POLN: variants seen among roughly 807,000 people sequenced by gnomAD.
POLN encodes the protein DNA polymerase N.
Under a neutral mutation model 113.5 loss-of-function variants are expected in POLN, and 108 were observed. The ratio of observed to expected loss-of-function variants is 0.95; its 90% CI spans 0.81 to 1.12. POLN has a LOEUF of 1.12. POLN is among the 50% of genes most tolerant of loss of function. The pLI is 0.00. For missense variants in POLN, 1,097 were observed against 1,077.1 expected, an observed-to-expected ratio of 1.02 and a Z score of -0.26; for synonymous variants, 386 against 391.5, an observed-to-expected ratio of 0.99 and a Z score of 0.17.
chr4:2,136,609 T>C lies in POLN; in HGVS notation c.1732-5319A>G, dbSNP rs182257353. 2.6e-5 allele frequency among the ~76,000 whole-genome samples: 4 copies of C among 152,364 alleles called. No homozygotes were observed. The East Asian group carries it at 5.8e-4, about 22-fold the overall frequency. On this transcript the variant is annotated intron_variant, in intron 16 of 25. Coordinates refer to ENST00000511885, the MANE Select transcript of POLN (RefSeq NM_181808.4). ...CTGAGATGACGTTTTAATTCTACAA[T>C]GTGGCATTTGTTAAAATCTCAGTAG... is the stretch of plus-strand genomic sequence containing the variant.
At chr4:2,075,171 T>C in intron 24 of POLN, among the ~76,000 whole-genome samples, 1 of 152,006 alleles carries the variant, frequency 6.6e-6, no homozygotes, top group Non-Finnish European at 1.5e-5. Flanking sequence ...CAGCCTTGGG[T>C]GTCTGCAGCT....
At chr4:2,150,321 A>G (rs1487131049) in intron 16 of POLN, among the ~76,000 whole-genome samples, 2 of 152,100 alleles carry the variant, frequency 1.3e-5, no homozygotes, top group African/African-American at 4.8e-5. Context: ...ATATTTTAAT[A>G]TTAGACAAAA....
intron 16 of POLN, among the ~76,000 whole-genome samples, chr4:2,150,681 C>A (rs1732270535): frequency 6.6e-6 from 1 of 151,956 alleles, no homozygotes; most frequent in East Asian, 1.9e-4. Context: ...AGTATTAAAC[C>A]CTTATATTGA....
At chr4:2,176,666 G>T (rs564691533) in intron 8 of POLN, among the ~76,000 whole-genome samples, 1 of 152,164 alleles carries the variant, frequency 6.6e-6, no homozygotes, top group East Asian at 1.9e-4. Flanking sequence ...AGGGAGAGGA[G>T]AATGCAGACC....
At chr4:2,104,001 A>G (rs949291205) in intron 19 of POLN, among the ~76,000 whole-genome samples, 15 of 152,266 alleles carry the variant, frequency 9.9e-5, no homozygotes, top group Admixed American at 9.2e-4. Flanking sequence ...AAAGGATGAC[A>G]TTCACCATCA....
chr4:2,121,250 C>T (rs1731432601), intron 19 of POLN, among the ~76,000 whole-genome samples: 1 of 152,042 alleles, frequency 6.6e-6, no homozygotes, highest in African/African-American at 2.4e-5. Flanking sequence ...GGCTGGCCAA[C>T]ATGCTGAAAC....
intron 4 of POLN, among the ~76,000 whole-genome samples, chr4:2,210,391 C>T (rs1296959292): frequency 6.6e-6 from 1 of 151,196 alleles, no homozygotes; most frequent in Non-Finnish European, 1.5e-5. Context: ...CCAGCCTGGG[C>T]AAAATAGCAA....
chr4:2,087,239 GATCT>G (rs1268191575), intron 20 of POLN, among the ~76,000 whole-genome samples: 1 of 152,196 alleles, frequency 6.6e-6, no homozygotes, highest in Non-Finnish European at 1.5e-5. Context: ...TAGGGCTTAA[GATCT>G]ATTATTGTGA....
chr4:2,126,172 G>A lies in POLN; in HGVS notation c.1982+1941C>T, dbSNP rs1420203067. On this transcript the variant is annotated intron_variant, in intron 19 of 25. Transcript: ENST00000511885. This position sits in a 1 kb window ranked among gnomAD's most constrained non-coding sequence, Gnocchi z 4.6. Reference sequence around the variant, plus strand: ...GACCCGGTACAGTGCCTCTTCCTGTGCTGGGCAAACACTTCATTATTCTTT... The same window carrying A: ...GACCCGGTACAGTGCCTCTTCCTGTACTGGGCAAACACTTCATTATTCTTT... Among the ~76,000 whole-genome samples, 2 of 152,222 alleles carry A rather than the reference G, an allele frequency of 1.3e-5. No homozygotes were observed. Among genetic ancestry groups the A allele is most frequent in the Non-Finnish European group, 2.9e-5 (2 of 68,052 alleles).
intron 16 of POLN, among the ~76,000 whole-genome samples, chr4:2,151,712 C>T (rs1048518929): frequency 2.0e-5 from 3 of 152,290 alleles, no homozygotes; most frequent in African/African-American, 2.4e-5. Context: ...AGGAGCCCGA[C>T]AGGAGGAGTC....
intron 20 of POLN, among the ~76,000 whole-genome samples, chr4:2,092,311 T>C (rs1730686838): frequency 1.3e-5 from 2 of 152,162 alleles, no homozygotes; most frequent in South Asian, 4.1e-4. Context: ...GATTTGACTC[T>C]AGGAGCCATA....
chr4:2,173,619 T>A (rs527534843), intron 11 of POLN, among the ~76,000 whole-genome samples: 1 of 152,190 alleles, frequency 6.6e-6, no homozygotes, highest in African/African-American at 2.4e-5. Context: ...TATTTTTTCA[T>A]GCATCTTTAC....
At chr4:2,197,426 C>G (rs986104027) in intron 6 of POLN, among the ~76,000 whole-genome samples, 1 of 152,108 alleles carries the variant, frequency 6.6e-6, no homozygotes, top group South Asian at 2.1e-4. Context: ...CAGAGATAAC[C>G]CCAGGACTTT....
intron 16 of POLN, among the ~76,000 whole-genome samples, chr4:2,147,175 G>A (rs1732164338): frequency 6.6e-6 from 1 of 152,182 alleles, no homozygotes; most frequent in Non-Finnish European, 1.5e-5. Flanking sequence ...ATTACATAAT[G>A]TTGATAAATT....
chr4:2,130,295 G>A (rs1484489593), intron 17 of POLN, among the ~76,000 whole-genome samples: 1 of 145,518 alleles, frequency 6.9e-6, no homozygotes, highest in African/African-American at 2.5e-5. Flanking sequence ...GGGAGGAGAG[G>A]GGAGGGGAGG....
intron 19 of POLN, among the ~76,000 whole-genome samples, chr4:2,104,442 T>C (rs1730998543): frequency 6.6e-6 from 1 of 152,224 alleles, no homozygotes; most frequent in Non-Finnish European, 1.5e-5. Flanking sequence ...TAACTCTGTA[T>C]TTAACTTTTT....
At position 2,093,739 on chromosome 4, in the gene POLN, T is replaced by C. The variant is rs1355162440; in HGVS notation, c.2065+2112A>G. 6.6e-6 allele frequency among the ~76,000 whole-genome samples: 1 copy of C among 152,178 alleles called. No individual in the cohort carries two copies. The highest frequency in any genetic ancestry group is 1.5e-5 in the Non-Finnish European group (1 of 68,028). On this transcript the variant is annotated intron_variant, in intron 20 of 25. Coordinates refer to ENST00000511885, the MANE Select transcript of POLN (RefSeq NM_181808.4). This position sits in a 1 kb window ranked among gnomAD's most constrained non-coding sequence, Gnocchi z 4.1. ...GAGGAGGCAGTGGACCAAGCAACTC[T>C]GAGGAGAATCAATCCAATGTCACAC...
chr4:2,086,317 A>C (rs1730548744), intron 20 of POLN, among the ~76,000 whole-genome samples: 1 of 152,154 alleles, frequency 6.6e-6, no homozygotes, highest in Non-Finnish European at 1.5e-5. Flanking sequence ...TCTATTTATT[A>C]ACAAGAAAAG....
At chr4:2,203,789 GAAAC>G (rs774711643) in intron 5 of POLN, among the ~76,000 whole-genome samples, 10 of 151,772 alleles carry the variant, frequency 6.6e-5, no homozygotes, top group Non-Finnish European at 1.3e-4. Context: ...CAATGATATT[GAAAC>G]AAACAAACAA....
Sources: allele counts gnomAD v4.1 joint callset (sites outside exome capture counted in the v4.1 genomes callset), GRCh38; gene constraint gnomAD v4.1.1; non-coding constraint Gnocchi (gnomAD v3.1); transcripts MANE v1.5; gene names NCBI Gene and HGNC (gene_info 2026-07-23, HGNC 2026-07-21).